NEK1: variants seen among roughly 807,000 people sequenced by gnomAD.
NEK1 encodes NIMA related kinase 1.
Under a neutral mutation model 182.1 loss-of-function variants are expected in NEK1, and 137 were observed. The ratio of observed to expected loss-of-function variants is 0.75; its 90% confidence interval spans 0.65 to 0.87. NEK1 has a LOEUF of 0.87. NEK1 is among the 40% of genes least tolerant of loss of function. The pLI, the probability that NEK1 is intolerant of heterozygous loss-of-function variation, is 0.00. For synonymous variants in NEK1, 513 were observed against 492.2 expected (o/e 1.04, Z -0.56); for missense variants, 1,391 against 1,494.4 (o/e 0.93, Z 1.14).
At chr4:169,477,866 CTT>C (rs1276057567) in intron 24 of NEK1, among the ~76,000 whole-genome samples, 1 of 151,902 alleles carries the variant, frequency 6.6e-6, no homozygotes, top group African/African-American at 2.4e-5. Flanking sequence ...CATATACTCT[CTT>C]AATTATAACT....
chr4:169,584,958 G>A (rs1767283235), intron 10 of NEK1, among the ~76,000 whole-genome samples: 1 of 152,118 alleles, frequency 6.6e-6, no homozygotes, highest in African/African-American at 2.4e-5. Flanking sequence ...GGCCAAGGTG[G>A]GATGATCACC....
At position 169,555,724 on chromosome 4, in the gene NEK1, T is replaced by C; in HGVS notation, c.1558A>G (p.Asn520Asp). 6.2e-7 allele frequency: 1 copy of C among 1,613,808 alleles called. No individual in the cohort carries two copies. Among genetic ancestry groups the C allele is most frequent in the Non-Finnish European group, 8.5e-7 (1 of 1,179,748 alleles). The change falls in exon 18 of 36, where the codon AAC (asparagine) becomes GAC (aspartate). Residue 520 changes from asparagine (N) to aspartate (D), a missense_variant. Physicochemically the swap from Asn to Asp is conservative, Grantham distance 23. This residue lies in a region of NEK1 where 1,216 missense variants were observed against 1,277.6 expected (regional missense o/e 0.95). Coordinates refer to ENST00000507142, the MANE Select transcript of NEK1 (RefSeq NM_001199397.3). ...LKAVSKQANA[N>D]RQKGQLAVER... ...CATGGATCATCACAGTCCAACCTGTTTGCATTGGCTTGTTTAGACACCGCC... is the reference window on the plus strand; with the variant it reads ...CATGGATCATCACAGTCCAACCTGTCTGCATTGGCTTGTTTAGACACCGCC...
In NEK1 at chr4:169,448,882, G is replaced by A. The variant is rs898302524; in HGVS notation, c.2588-10623C>T. On this transcript the variant is annotated intron_variant, in intron 27 of 35. Coordinates refer to ENST00000507142, the MANE Select transcript of NEK1 (RefSeq NM_001199397.3). ...CCTCACCTGGGAAGCGCAATGAGTC[G>A]GGGGATTTCCCTTTCCTAGCCAAGG... Among the ~76,000 whole-genome samples, 36 of 152,330 alleles carry A rather than the reference G, an allele frequency of 2.4e-4. No homozygotes were observed. In the South Asian group the frequency reaches 2.7e-3, roughly 11 times the overall value.
At chr4:169,556,166 G>GA in intron 16 of NEK1, 71 bp from the exon 17 acceptor site, 1 of 1,372,036 alleles carries the variant, frequency 7.3e-7, no homozygotes, top group Non-Finnish European at 9.8e-7. Flanking sequence ...AGTCTCAAAA[G>GA]AAAAAGTAAA....
At chr4:169,591,079 T>A (rs945807211) in intron 5 of NEK1, among the ~76,000 whole-genome samples, 3 of 152,208 alleles carry the variant, frequency 2.0e-5, no homozygotes, top group Non-Finnish European at 1.5e-5. Context: ...AAATAATTTA[T>A]ATTTTATAAT....
At chr4:169,580,711 C>A in intron 11 of NEK1, 131 bp downstream of exon 11, 2 of 626,138 alleles carry the variant, frequency 3.2e-6, no homozygotes, top group Admixed American at 2.8e-5. Flanking sequence ...ATTAATAATT[C>A]TAAGGTGCAT....
chr4:169,604,545 T>C (rs1771020405), intron 2 of NEK1, among the ~76,000 whole-genome samples: 1 of 152,232 alleles, frequency 6.6e-6, no homozygotes, highest in African/African-American at 2.4e-5. Context: ...GAAAATAAGT[T>C]TGTCGTGAAA....
intron 23 of NEK1, among the ~76,000 whole-genome samples, chr4:169,480,132 A>G (rs1340985175): frequency 6.6e-6 from 1 of 152,200 alleles, no homozygotes; most frequent in African/African-American, 2.4e-5. Flanking sequence ...GGGTATGACA[A>G]TAGTAACACA....
At chr4:169,490,404 G>T (rs1749842511) in intron 23 of NEK1, among the ~76,000 whole-genome samples, 1 of 152,114 alleles carries the variant, frequency 6.6e-6, no homozygotes, top group Non-Finnish European at 1.5e-5. Context: ...AGTTATCAAT[G>T]CAAGGACACA....
In NEK1 at chr4:169,554,942, T is replaced by C. The variant is rs555707197; in HGVS notation, c.1562+778A>G. On this transcript the variant is annotated intron_variant, in intron 18 of 35. Transcript: ENST00000507142. The stretch of plus-strand genomic sequence containing the variant: ...CTCTGTACTTTCCACTCCATTTTGC[T>C]GTGAACCCCAAATCGCTCTAAAAAT... 6 of 152,330 alleles carry C rather than the reference T, an allele frequency of 3.9e-5. No homozygotes were observed. In the South Asian group the frequency reaches 1.0e-3, roughly 26 times the overall value. 9.4% of individuals were successfully genotyped at this position (152,330 alleles called of 1,614,324 possible). A position where few individuals can be genotyped will look rare whatever the true frequency, so the allele number is the denominator to read the frequency against.
At chr4:169,561,425 A>G in intron 16 of NEK1, 55 bp downstream of exon 16, 2 of 1,444,736 alleles carry the variant, frequency 1.4e-6, no homozygotes, top group South Asian at 2.3e-5. Flanking sequence ...TTATAGAACA[A>G]GGTGGAACTG....
intron 28 of NEK1, among the ~76,000 whole-genome samples, chr4:169,434,202 GTTTTTTTTTTT>G (rs70964203): frequency 1.2e-5 from 1 of 81,904 alleles, no homozygotes; most frequent in Non-Finnish European, 2.4e-5. Flanking sequence ...CACTCAAATA[GTTTTTTTTTTT>G]TTTTTTTTTT....
rs1732694841 is a variant in NEK1, at chr4:169,406,723, C to G, written c.3247G>C (p.Asp1083His). 6.2e-7 allele frequency: 1 copy of G among 1,600,286 alleles called. No homozygotes were observed. The highest frequency in any genetic ancestry group is 1.3e-5 in the African/African-American group (1 of 74,322). ...PKMLRTCSLP[D>H]LSKLFRTLMD... Reference sequence around the variant, plus strand: ...AGGGTTCTGAACAGCTTTGAGAGATCTGGAAGTGAACATGTCCTTAACATC... The same window carrying G: ...AGGGTTCTGAACAGCTTTGAGAGATGTGGAAGTGAACATGTCCTTAACATC... The change falls in exon 32 of 36, where the codon GAT becomes CAT. Residue 1083 changes from aspartate (D) to histidine (H), a missense_variant. By Grantham distance (81) the Asp-to-His change is moderately conservative. Around this residue, in one of 5 missense-constraint regions of NEK1, gnomAD observed 1,216 missense variants for 1,277.6 expected, o/e 0.95. Coordinates refer to ENST00000507142, the MANE Select transcript of NEK1 (RefSeq NM_001199397.3).
At chr4:169,544,846 T>G (rs193269058) in intron 18 of NEK1, among the ~76,000 whole-genome samples, 16 of 151,912 alleles carry the variant, frequency 1.1e-4, no homozygotes, top group Admixed American at 7.9e-4. Context: ...TATCATTTTT[T>G]ATTGCATCTA....
intron 31 of NEK1, among the ~76,000 whole-genome samples, chr4:169,408,245 A>G (rs543851192): frequency 6.6e-6 from 1 of 152,258 alleles, no homozygotes; most frequent in East Asian, 1.9e-4. Flanking sequence ...CCTTTTGTTA[A>G]CCAAAATAAA....
chr4:169,596,305 C>A (rs1769480059), intron 5 of NEK1, among the ~76,000 whole-genome samples: 1 of 152,120 alleles, frequency 6.6e-6, no homozygotes, highest in Non-Finnish European at 1.5e-5. Context: ...AACTCAAGTT[C>A]TTTGTTTAAT....
chr4:169,487,874 T>C (rs1454942565), intron 23 of NEK1, among the ~76,000 whole-genome samples: 4 of 152,222 alleles, frequency 2.6e-5, no homozygotes, highest in African/African-American at 9.6e-5. Context: ...TGTGATATGG[T>C]ATTTCTCTGT....
chr4:169,571,554 A>G (rs759484718), intron 12 of NEK1, among the ~76,000 whole-genome samples: 13 of 152,264 alleles, frequency 8.5e-5, no homozygotes, highest in Non-Finnish European at 1.8e-4. Flanking sequence ...TTGAGCACAG[A>G]CCTCAAAGAA....
At position 169,548,128 on chromosome 4, in the gene NEK1, G is replaced by A. The variant is rs116353172; in HGVS notation, c.1562+7592C>T. Among the ~76,000 whole-genome samples the A allele has an allele frequency of 9.1e-3, 1,393 of 152,298 alleles. 24 individuals carry two copies. Among genetic ancestry groups the A allele is most frequent in the African/African-American group, 0.032 (1,312 of 41,550 alleles). ...GTGGATTTATCCACCTTTGGTCTCT[G>A]AAGTTGGCGACCTTCAGATGGGGTC... On this transcript the variant is annotated intron_variant, in intron 18 of 35. Coordinates refer to ENST00000507142, the MANE Select transcript of NEK1 (RefSeq NM_001199397.3).
Sources: gnomAD v4.1 joint callset for allele counts (sites outside exome capture counted in the v4.1 genomes callset) on GRCh38, gnomAD v4.1.1 for gene constraint, gnomAD v4.1.1 regional missense constraint, MANE v1.5 for transcripts, NCBI Gene and HGNC (gene_info 2026-07-23, HGNC 2026-07-21) for gene names.